Variants in CNGB1 observed in about 807,000 individuals in gnomAD.
CNGB1 encodes the protein cyclic nucleotide gated channel subunit beta 1, also known as cyclic nucleotide-gated channel beta-1.
A neutral mutation model predicts 151.7 loss-of-function variants in CNGB1; 126 were observed. The observed-to-expected ratio is 0.83, with a 90% CI of 0.72 to 0.96. The LOEUF is 0.96. CNGB1 is among the 40% of genes least tolerant of loss of function. CNGB1 has a pLI of 0.00. For synonymous variants in CNGB1, 623 were observed against 635.1 expected (o/e 0.98, Z 0.29); for missense variants, 1,698 against 1,627.0 (o/e 1.04, Z -0.75).
At chr16:57,964,867 A>T (rs1391087862) in intron 2 of CNGB1, among the ~76,000 whole-genome samples, 1 of 152,110 alleles carries the variant, frequency 6.6e-6, no homozygotes, top group Non-Finnish European at 1.5e-5. Flanking sequence ...CCATTTAGAG[A>T]TAGTTATGAA....
At chr16:57,908,349 T>G (rs1960613040) in intron 25 of CNGB1, among the ~76,000 whole-genome samples, 1 of 152,220 alleles carries the variant, frequency 6.6e-6, no homozygotes, top group Non-Finnish European at 1.5e-5. Context: ...GACGCAAGCA[T>G]CCCACCTGTT....
At position 57,901,439 on chromosome 16, in the gene CNGB1, T is replaced by C. The variant is rs200104597; in HGVS notation, c.2893-4A>G. 3.8e-5 allele frequency: 62 copies of C among 1,614,006 alleles called. No individual in the cohort carries two copies. The African/African-American group carries it at 6.8e-4, about 18-fold the overall frequency. ...AGATCATCTGCCGGTCACAGCCCTG[T>C]CCCGGTGAGGAAGGGAAAGGAACTT... On this transcript the variant is annotated splice_region_variant and splice_polypyrimidine_tract_variant and intron_variant, in intron 28 of 32. Transcript: ENST00000251102.
In CNGB1 at chr16:57,883,107, A is replaced by G. The variant is rs1959803472; in HGVS notation, c.*1057T>C. The G allele has an allele frequency of 2.0e-5, 3 of 152,298 alleles. No homozygotes were observed. The highest frequency in any genetic ancestry group is 7.2e-5 in the African/African-American group (3 of 41,558). The allele number at this position is 152,298 out of a possible 1,614,324, so 9.4% of individuals were successfully genotyped here. A position where few individuals can be genotyped will look rare whatever the true frequency, so the allele number is the denominator to read the frequency against. On this transcript the variant is annotated 3_prime_UTR_variant, in exon 33 of 33. Coordinates refer to ENST00000251102, the MANE Select transcript of CNGB1 (RefSeq NM_001297.5). ...ATCTGTTCTGAGATAATGGCATTGC[A>G]TTGGAATTGAATAGAGTCTGGGGAA...
chr16:57,924,269 A>T (rs902092976), intron 17 of CNGB1, among the ~76,000 whole-genome samples: 3 of 152,162 alleles, frequency 2.0e-5, no homozygotes, highest in Non-Finnish European at 4.4e-5. Context: ...AAAGCCTGGG[A>T]AAGAGGAAAA....
At chr16:57,965,392 T>G in intron 2 of CNGB1, among the ~76,000 whole-genome samples, 1 of 152,196 alleles carries the variant, frequency 6.6e-6, no homozygotes. Context: ...TTCATACAGA[T>G]ACATACATGC....
intron 22 of CNGB1, among the ~76,000 whole-genome samples, chr16:57,915,897 C>CAAAAA (rs36093437): frequency 7.7e-5 from 8 of 103,274 alleles, no homozygotes; most frequent in East Asian, 3.1e-4. Flanking sequence ...GACCCTGTCT[C>CAAAAA]AAAAAAAAAA....
At chr16:57,954,837 CTG>C in intron 12 of CNGB1, 1 of 993,390 alleles carries the variant, frequency 1.0e-6, no homozygotes, top group Non-Finnish European at 1.2e-6. Context: ...AGGTACCACA[CTG>C]GGGGCTGTGC....
chr16:57,915,512 G>A (rs1423198626), intron 22 of CNGB1, among the ~76,000 whole-genome samples, 177 bp from the exon 23 acceptor site: 1 of 152,198 alleles, frequency 6.6e-6, no homozygotes, highest in Non-Finnish European at 1.5e-5. Context: ...TGGCTTCAAA[G>A]CCCGTGTTGC....
At chr16:57,893,477 G>A (rs1039644226) in intron 31 of CNGB1, among the ~76,000 whole-genome samples, 1 of 151,948 alleles carries the variant, frequency 6.6e-6, no homozygotes, top group African/African-American at 2.4e-5. Flanking sequence ...GCACCCCACC[G>A]GAGACATTCC....
At chr16:57,945,087 CAG>C (rs1202841625) in intron 14 of CNGB1, among the ~76,000 whole-genome samples, 12 of 151,240 alleles carry the variant, frequency 7.9e-5, no homozygotes, top group African/African-American at 2.9e-4. Flanking sequence ...GCTGAGAAAA[CAG>C]AGGCTCAGAG....
chr16:57,965,298 T>TGC (rs1488946916), intron 2 of CNGB1, among the ~76,000 whole-genome samples: 9 of 152,092 alleles, frequency 5.9e-5, no homozygotes, highest in African/African-American at 2.2e-4. Flanking sequence ...TATGTACATA[T>TGC]ACATGTGTAT....
intron 20 of CNGB1, among the ~76,000 whole-genome samples, chr16:57,917,686 G>C (rs1960915059): frequency 6.6e-6 from 1 of 150,992 alleles, no homozygotes; most frequent in South Asian, 2.1e-4. Flanking sequence ...TAGGAGCCAG[G>C]CACAGTGGCT....
intron 26 of CNGB1, 65 bp from the exon 27 acceptor site, chr16:57,904,046 G>A: frequency 8.7e-6 from 13 of 1,502,618 alleles, no homozygotes; most frequent in Non-Finnish European, 1.2e-5. Flanking sequence ...GCTATTCCAT[G>A]GATTTGGGAT....
chr16:57,884,485 G>A (rs1959856643), intron 32 of CNGB1, 28 bp from the exon 33 acceptor site: 1 of 1,613,062 alleles, frequency 6.2e-7, no homozygotes, highest in Non-Finnish European at 8.5e-7. Context: ...TGACTCGTGA[G>A]GCACAGACTC....
rs759738989 is a variant in CNGB1, at chr16:57,960,900, C to G, written c.474G>C (p.Leu158=). 2 of 1,614,200 alleles carry G rather than the reference C, an allele frequency of 1.2e-6. No individual in the cohort carries two copies. The highest frequency in any genetic ancestry group is 2.2e-5 in the South Asian group (2 of 91,078). Residue 158 remains leucine (L), a synonymous_variant, in exon 8 of 33, where the codon CTG becomes CTC. Coordinates refer to ENST00000251102, the MANE Select transcript of CNGB1 (RefSeq NM_001297.5). ...CCAGATTCTGCTCCAGCCACAGAAG[C>G]AGCCGCAGCCCAGGCCTGCAGAGGG... ...EAQDTRPGLR[L]LLWLEQNLER... is the part of the protein sequence containing the mutation.
Position 57,901,585 on chromosome 16 carries a change from C to A in CNGB1, c.2835G>T (p.Arg945=). 1 of 1,614,178 alleles carries A rather than the reference C, an allele frequency of 6.2e-7. No individual in the cohort carries two copies. The highest frequency in any genetic ancestry group is 8.5e-7 in the Non-Finnish European group (1 of 1,180,040). The change falls in exon 28 of 33, where the codon CGG becomes CGT. Residue 945 remains arginine, a synonymous_variant. Coordinates refer to ENST00000251102, the MANE Select transcript of CNGB1 (RefSeq NM_001297.5). ...ELMVQLPDKM[R]LDLAIDVNYN... ...AGTTCACGTCGATGGCGAGGTCCAG[C>A]CGCATCTTGTCTGGAAGCTGCACCA...
rs16959602 is a variant in CNGB1, at chr16:57,962,570, G to A, written c.453C>T (p.Asp151=). 8,629 of 1,613,684 alleles carry A rather than the reference G, an allele frequency of 5.3e-3. 366 individuals carry two copies. In the African/African-American group the frequency reaches 0.1, roughly 19 times the overall value. Residue 151 remains aspartate (D), a synonymous_variant, in exon 7 of 33, where the codon GAC becomes GAT. Transcript: ENST00000251102. ...DEPNEALEAQ[D]TRPGLRLLLW... is the part of the protein sequence containing the mutation. ...ACTCAGGGATAGGGACTCACCTAGT[G>A]TCTTGGGCCTCAAGGGCCTCATTGG...
intron 25 of CNGB1, among the ~76,000 whole-genome samples, chr16:57,910,077 C>A (rs1259485002): frequency 6.6e-6 from 1 of 152,216 alleles, no homozygotes; most frequent in African/African-American, 2.4e-5. Flanking sequence ...AGGCCCCCAA[C>A]CATCGGAACG....
At chr16:57,900,594 A>T (rs374602788) in intron 29 of CNGB1, among the ~76,000 whole-genome samples, 1 of 151,284 alleles carries the variant, frequency 6.6e-6, no homozygotes, top group African/African-American at 2.4e-5. Flanking sequence ...TCAACTCCAG[A>T]TGTTTTCTGG....
Sources: gnomAD v4.1 joint callset for allele counts (sites outside exome capture counted in the v4.1 genomes callset) on GRCh38, gnomAD v4.1.1 for gene constraint, MANE v1.5 for transcripts, NCBI Gene and HGNC (gene_info 2026-07-23, HGNC 2026-07-21) for gene names.